RBBP8: variants seen among roughly 807,000 people sequenced by gnomAD.
RBBP8 encodes the protein RB binding protein 8, endonuclease.
Under a neutral mutation model 108.3 loss-of-function variants are expected in RBBP8, and 88 were observed. The observed-to-expected ratio is 0.81, with a 90% CI of 0.68 to 0.97. The LOEUF (loss-of-function observed/expected upper bound fraction) is 0.97, where lower values mean the gene tolerates loss of function less well. Ranked by LOEUF, RBBP8 falls within the 50% of genes least tolerant of loss-of-function variation. The pLI is 0.00. For missense variants in RBBP8, 1,023 were observed against 1,049.0 expected (o/e 0.98, Z 0.34); for synonymous variants, 332 against 348.2 (o/e 0.95, Z 0.52).
intron 4 of RBBP8, among the ~76,000 whole-genome samples, chr18:22,955,491 G>T (rs1304383461): frequency 6.6e-6 from 1 of 151,998 alleles, no homozygotes; most frequent in Non-Finnish European, 1.5e-5. Flanking sequence ...ATAGATGATA[G>T]ATCCATTTTG....
chr18:22,930,270 C>T (rs1909974090), upstream of RBBP8, among the ~76,000 whole-genome samples: 1 of 152,222 alleles, frequency 6.6e-6, no homozygotes, highest in Non-Finnish European at 1.5e-5. Flanking sequence ...CATTAAAAAC[C>T]TAGCCCTGAA....
intron 14 of RBBP8, among the ~76,000 whole-genome samples, chr18:22,998,683 T>C (rs982215240): frequency 4.6e-5 from 7 of 152,262 alleles, no homozygotes; most frequent in African/African-American, 1.7e-4. Flanking sequence ...GAATTTTCTA[T>C]AGTCTACCTG....
At chr18:22,992,380 G>A (rs1915759483) in intron 10 of RBBP8, among the ~76,000 whole-genome samples, 1 of 152,126 alleles carries the variant, frequency 6.6e-6, no homozygotes, top group Non-Finnish European at 1.5e-5. Context: ...ATTTTTAGTA[G>A]AGATGGGGTT....
intron 18 of RBBP8, among the ~76,000 whole-genome samples, chr18:23,024,871 C>G (rs2046428882): frequency 6.6e-6 from 1 of 152,220 alleles, no homozygotes; most frequent in African/African-American, 2.4e-5. Flanking sequence ...TTTTTACCCA[C>G]AAGACGATAA....
chr18:22,928,345 G>A (rs560253022), upstream of RBBP8, among the ~76,000 whole-genome samples: 14 of 152,300 alleles, frequency 9.2e-5, no homozygotes, highest in African/African-American at 3.4e-4. Context: ...GAGGGCATGG[G>A]AGAATGAGGA....
chr18:23,011,439 A>ATT (rs11438456), intron 16 of RBBP8, among the ~76,000 whole-genome samples: 3,756 of 139,032 alleles, frequency 0.027, 111 homozygotes, highest in African/African-American at 0.048. Flanking sequence ...CTTTGATGCT[A>ATT]TTTTTTTTTT....
At chr18:22,970,386 G>A (rs1913982785) in intron 5 of RBBP8, among the ~76,000 whole-genome samples, 3 of 152,026 alleles carry the variant, frequency 2.0e-5, no homozygotes, top group African/African-American at 4.8e-5. Context: ...AAAACTCCAA[G>A]CAAGCAAAAA....
At chr18:22,926,062 A>G (rs897168546) in intron 3 of RBBP8, among the ~76,000 whole-genome samples, 8 of 152,208 alleles carry the variant, frequency 5.3e-5, no homozygotes, top group Middle Eastern at 3.2e-3. Context: ...GATACGAAAT[A>G]TTGTCCAAAC....
rs368252010 is a variant in RBBP8 at position 22,990,922 on chromosome 18, AT to A, written c.808-11del. ...ATCCCATTACATGGATGTGCTTCAT[AT>A]TTTACTCTTGAAGGAAACTCAAGGT... On this transcript the variant is annotated splice_polypyrimidine_tract_variant and intron_variant, in intron 9 of 18. Coordinates refer to ENST00000327155, the MANE Select transcript of RBBP8 (RefSeq NM_002894.3). 226 of 1,570,704 alleles carry A rather than the reference AT, an allele frequency of 1.4e-4. 1 individual carries two copies. The African/African-American group carries it at 2.9e-3, about 20-fold the overall frequency.
At chr18:23,012,497 G>A (rs1398489734) in intron 16 of RBBP8, among the ~76,000 whole-genome samples, 1 of 152,136 alleles carries the variant, frequency 6.6e-6, no homozygotes, top group African/African-American at 2.4e-5. Context: ...AAATTTCAGT[G>A]GTCTAGATTG....
chr18:22,928,998 A>C (rs1195195056), upstream of RBBP8, among the ~76,000 whole-genome samples: 3 of 152,142 alleles, frequency 2.0e-5, no homozygotes, highest in African/African-American at 7.2e-5. Flanking sequence ...AGTTTTAAGC[A>C]AAGGAATGCC....
intron 16 of RBBP8, among the ~76,000 whole-genome samples, chr18:23,008,524 C>T (rs553136801): frequency 2.6e-5 from 4 of 152,208 alleles, no homozygotes; most frequent in African/African-American, 9.6e-5. Context: ...GTGTTGTAAT[C>T]CATTGCAGTC....
intron 8 of RBBP8, among the ~76,000 whole-genome samples, chr18:22,986,355 A>G (rs1402686328): frequency 6.6e-6 from 1 of 152,232 alleles, no homozygotes; most frequent in African/African-American, 2.4e-5. Flanking sequence ...TTGCATGTAG[A>G]TCATTGAGTG....
intron 4 of RBBP8, among the ~76,000 whole-genome samples, chr18:22,964,951 T>C (rs1178085099): frequency 2.0e-5 from 3 of 152,150 alleles, no homozygotes; most frequent in Non-Finnish European, 4.4e-5. Context: ...ACTATGACTT[T>C]AAAAGAAATG....
intron 4 of RBBP8, among the ~76,000 whole-genome samples, chr18:22,957,076 T>C (rs1483688176): frequency 6.6e-6 from 1 of 152,122 alleles, no homozygotes; most frequent in Non-Finnish European, 1.5e-5. Flanking sequence ...TTGATACTTA[T>C]AATCAGGAGA....
At chr18:22,987,416 A>C (rs1915403392) in intron 8 of RBBP8, among the ~76,000 whole-genome samples, 1 of 152,134 alleles carries the variant, frequency 6.6e-6, no homozygotes, top group Non-Finnish European at 1.5e-5. Flanking sequence ...CTTCTCCAAA[A>C]TATATGGTAC....
At chr18:22,951,785 C>T (rs573537567) in intron 4 of RBBP8, among the ~76,000 whole-genome samples, 18 of 152,212 alleles carry the variant, frequency 1.2e-4, no homozygotes, top group South Asian at 4.1e-4. Flanking sequence ...GAGTGACTCA[C>T]GAAACTCAGG....
At position 22,936,895 on chromosome 18, in the gene RBBP8, A is replaced by G. The variant is rs1234171235; in HGVS notation, c.44A>G (p.Asp15Gly). The G allele has an allele frequency of 2.5e-6, 4 of 1,614,090 alleles. No homozygotes were observed. The highest frequency in any genetic ancestry group is 3.4e-6 in the Non-Finnish European group (4 of 1,180,036). Residue 15 changes from aspartate (D) to glycine (G), a missense_variant, in exon 2 of 19, where the codon GAT becomes GGT. Coordinates refer to ENST00000327155, the MANE Select transcript of RBBP8 (RefSeq NM_002894.3). ...AGCTGTGGAAGCCCTAACTCTGCAGATACATCTAGTGACTTTAAGGACCTT... is the reference window on the plus strand; with the variant it reads ...AGCTGTGGAAGCCCTAACTCTGCAGGTACATCTAGTGACTTTAAGGACCTT... The part of the protein sequence containing the change: ...GSSCGSPNSA[D>G]TSSDFKDLWT...
chr18:22,952,742 C>T (rs186253519), intron 4 of RBBP8, among the ~76,000 whole-genome samples: 1 of 152,304 alleles, frequency 6.6e-6, no homozygotes, highest in African/African-American at 2.4e-5. Context: ...TGGTGAGGCG[C>T]TTCCTTCTGT....
Sources: allele counts gnomAD v4.1 joint callset (sites outside exome capture counted in the v4.1 genomes callset), GRCh38; gene constraint gnomAD v4.1.1; transcripts MANE v1.5; gene names NCBI Gene and HGNC (gene_info 2026-07-23, HGNC 2026-07-21).